MAN1C1: variants seen among roughly 807,000 people sequenced by gnomAD.
MAN1C1 encodes mannosidase alpha class 1C member 1.
A neutral mutation model predicts 71.5 loss-of-function variants in MAN1C1; 49 were observed. The observed-to-expected ratio is 0.69, with a 90% CI of 0.54 to 0.87. The LOEUF (loss-of-function observed/expected upper bound fraction) is 0.87. MAN1C1 is among the 40% of genes least tolerant of loss of function. The pLI is 0.00. For synonymous variants in MAN1C1, 352 were observed against 343.7 expected (o/e 1.02, Z -0.27); for missense variants, 743 against 835.0 (o/e 0.89, Z 1.36).
intron 2 of MAN1C1, among the ~76,000 whole-genome samples, chr1:25,731,171 G>A (rs146950039): frequency 1.3e-5 from 2 of 152,308 alleles, no homozygotes; most frequent in South Asian, 2.1e-4. Flanking sequence ...TTAGCCAGGC[G>A]TGGTGGCATG....
At chr1:25,670,682 G>A (rs775283827) in intron 1 of MAN1C1, among the ~76,000 whole-genome samples, 46 of 152,186 alleles carry the variant, frequency 3.0e-4, no homozygotes, top group Non-Finnish European at 4.9e-4. Context: ...CTGGTGAGAT[G>A]GAAGAGACAA....
chr1:25,771,578 C>A, intron 7 of MAN1C1, 79 bp from the exon 8 acceptor site: 1 of 1,079,132 alleles, frequency 9.3e-7, no homozygotes, highest in Non-Finnish European at 1.4e-6. Flanking sequence ...CCCCTGAGGT[C>A]AGGCGGGTGT....
intron 1 of MAN1C1, among the ~76,000 whole-genome samples, chr1:25,633,067 C>G (rs2124754802): frequency 6.6e-6 from 1 of 152,130 alleles, no homozygotes; most frequent in African/African-American, 2.4e-5. Flanking sequence ...GGGGTTTCAC[C>G]ATGTTGGCCA....
chr1:25,623,056 C>G (rs191449194), intron 1 of MAN1C1, among the ~76,000 whole-genome samples: 2 of 152,326 alleles, frequency 1.3e-5, no homozygotes, highest in Admixed American at 6.5e-5. Flanking sequence ...AAGATCCTTT[C>G]CCTTCTCCCT....
rs1010693043 is a variant in MAN1C1, at chr1:25,764,310, G to A, written c.1141+343G>A. 5.9e-5 allele frequency among the ~76,000 whole-genome samples: 9 copies of A among 152,214 alleles called. No individual in the cohort carries two copies. Among genetic ancestry groups the A allele is most frequent in the Non-Finnish European group, 1.0e-4 (7 of 68,032 alleles). On this transcript the variant is annotated intron_variant, in intron 7 of 11. Transcript: ENST00000374332. The surrounding 1 kb of genome is among the most constrained non-coding windows in gnomAD (Gnocchi z 4.4). ...TGCATTATACCCCAGGTTCTCGGGA[G>A]GGTCCCAGGTGGAGTCATCCATTCT...
intron 1 of MAN1C1, among the ~76,000 whole-genome samples, chr1:25,649,582 C>T (rs1035614423): frequency 2.0e-5 from 3 of 152,200 alleles, no homozygotes; most frequent in African/African-American, 2.4e-5. Flanking sequence ...TCCATATTAG[C>T]GGACCCTTTG....
intron 2 of MAN1C1, among the ~76,000 whole-genome samples, chr1:25,740,657 C>T (rs1253591526): frequency 6.6e-6 from 1 of 151,826 alleles, no homozygotes; most frequent in African/African-American, 2.4e-5. Flanking sequence ...AGGATGGTCT[C>T]GATCTCCTGA....
At chr1:25,674,933 C>T (rs1264834852) in intron 1 of MAN1C1, among the ~76,000 whole-genome samples, 4 of 152,056 alleles carry the variant, frequency 2.6e-5, no homozygotes, top group Admixed American at 6.5e-5. Flanking sequence ...AGGAGGCAGT[C>T]GCAGGAGTTC....
intron 1 of MAN1C1, among the ~76,000 whole-genome samples, chr1:25,630,314 A>G (rs532086379): frequency 2.0e-5 from 3 of 152,248 alleles, no homozygotes; most frequent in South Asian, 2.1e-4. Context: ...TTGTGGTACA[A>G]TTTGAAGTCT....
At position 25,764,669 on chromosome 1, in the gene MAN1C1, C is replaced by T. The variant is rs984503197; in HGVS notation, c.1141+702C>T. 1.3e-5 allele frequency among the ~76,000 whole-genome samples: 2 copies of T among 152,018 alleles called. No individual in the cohort carries two copies. Among genetic ancestry groups the T allele is most frequent in the Admixed American group, 6.5e-5 (1 of 15,268 alleles). On this transcript the variant is annotated intron_variant, in intron 7 of 11. Coordinates refer to ENST00000374332, the MANE Select transcript of MAN1C1 (RefSeq NM_020379.4). The surrounding 1 kb of genome is among the most constrained non-coding windows in gnomAD (Gnocchi z 4.4). ...CTGACCTCAAATGATCCAACCGCCT[C>T]GGCCTCCCAAAGTGCTGGGATTACA...
intron 2 of MAN1C1, among the ~76,000 whole-genome samples, chr1:25,705,939 T>C (rs2046515815): frequency 6.6e-6 from 1 of 152,112 alleles, no homozygotes; most frequent in African/African-American, 2.4e-5. Context: ...CAAGACCCTA[T>C]GTCAGATAAA....
At chr1:25,752,141 C>G (rs184188410) in intron 4 of MAN1C1, among the ~76,000 whole-genome samples, 115 of 152,188 alleles carry the variant, frequency 7.6e-4, no homozygotes, top group African/African-American at 2.7e-3. Flanking sequence ...CTCGTATAAC[C>G]ACAGCTGCAC....
intron 2 of MAN1C1, among the ~76,000 whole-genome samples, chr1:25,692,116 AC>A (rs1313878874): frequency 6.6e-6 from 1 of 152,136 alleles, no homozygotes; most frequent in East Asian, 1.9e-4. Flanking sequence ...CAGAATGTTA[AC>A]TGGGGGACCG....
At chr1:25,627,167 G>A (rs540778520) in intron 1 of MAN1C1, among the ~76,000 whole-genome samples, 1 of 152,182 alleles carries the variant, frequency 6.6e-6, no homozygotes, top group Admixed American at 6.5e-5. Flanking sequence ...TGATGCCTTC[G>A]CTGAACTAAT....
At chr1:25,763,102 T>A (rs2047381919) in intron 6 of MAN1C1, among the ~76,000 whole-genome samples, 2 of 152,244 alleles carry the variant, frequency 1.3e-5, no homozygotes, top group African/African-American at 4.8e-5. Context: ...ACCCCATCTC[T>A]ACTAAAAATA....
Position 25,753,700 on chromosome 1 carries a change from A to C in MAN1C1, c.929+122A>C. Reference sequence around the variant, plus strand: ...AGTAGGCAGGCAAGCAGGAGGGGGGACCCTTGGGACCACCTCTGTTGAACC... The same window carrying C: ...AGTAGGCAGGCAAGCAGGAGGGGGGCCCCTTGGGACCACCTCTGTTGAACC... On this transcript the variant is annotated intron_variant, in intron 5 of 11. Transcript: ENST00000374332. This position sits in a 1 kb window ranked among gnomAD's most constrained non-coding sequence, Gnocchi z 4.9. 1 of 727,808 alleles carries C rather than the reference A, an allele frequency of 1.4e-6. No individual in the cohort carries two copies. Among genetic ancestry groups the C allele is most frequent in the Non-Finnish European group, 2.3e-6 (1 of 439,552 alleles). The allele number at this position is 727,808 out of a possible 1,614,324, so 45.1% of individuals were successfully genotyped here. A position where few individuals can be genotyped will look rare whatever the true frequency, so the allele number is the denominator to read the frequency against.
intron 1 of MAN1C1, among the ~76,000 whole-genome samples, chr1:25,668,951 T>C (rs562468684): frequency 2.0e-5 from 3 of 152,278 alleles, no homozygotes; most frequent in Admixed American, 2.0e-4. Flanking sequence ...GCGACAGAAA[T>C]CTCAGCTAGG....
At position 25,713,214 on chromosome 1, in the gene MAN1C1, A is replaced by G. The variant is rs549047729; in HGVS notation, c.637+26678A>G. Among the ~76,000 whole-genome samples the G allele has an allele frequency of 9.4e-5, 14 of 149,188 alleles. No individual in the cohort carries two copies. The East Asian group carries it at 2.8e-3, about 30-fold the overall frequency. Reference sequence around the variant, plus strand: ...CTCTCAGTCCAGTGCTCTTTCTACTATATGTCATGTCCTCTCATAATGAGG... The same window carrying G: ...CTCTCAGTCCAGTGCTCTTTCTACTGTATGTCATGTCCTCTCATAATGAGG... On this transcript the variant is annotated intron_variant, in intron 2 of 11. Coordinates refer to ENST00000374332, the MANE Select transcript of MAN1C1 (RefSeq NM_020379.4).
intron 2 of MAN1C1, chr1:25,709,521 C>G (rs2046574041): frequency 1.3e-5 from 2 of 152,270 alleles, no homozygotes; most frequent in Admixed American, 6.5e-5. Flanking sequence ...CATGCTCTTA[C>G]CCAGGGCTCT....
Sources: gnomAD v4.1 joint callset for allele counts (sites outside exome capture counted in the v4.1 genomes callset) on GRCh38, gnomAD v4.1.1 for gene constraint, Gnocchi (gnomAD v3.1) non-coding constraint, MANE v1.5 for transcripts, NCBI Gene and HGNC (gene_info 2026-07-23, HGNC 2026-07-21) for gene names.